PKD1L3: variants seen among roughly 807,000 people sequenced by gnomAD.
The protein encoded by PKD1L3 is polycystin-1-like protein 3.
PKD1L3 carries 239 observed loss-of-function variants against 184.1 expected under a neutral mutation model. The observed-to-expected ratio is 1.30, with a 90% CI of 1.17 to 1.45. PKD1L3 has a LOEUF of 1.45. Among genes scored for constraint, PKD1L3 ranks in the 40% most tolerant of loss-of-function variants. PKD1L3 has a pLI of 0.00. For synonymous variants in PKD1L3, 996 were observed against 778.8 expected, an observed-to-expected ratio of 1.28 and a Z score of -4.64; for missense variants, 2,660 against 2,067.2, an observed-to-expected ratio of 1.29 and a Z score of -5.56.
rs1389552013 is a variant in PKD1L3, at chr16:71,973,443, G to T, written c.1834C>A (p.Leu612Met). ...TGAGCACCCTCCTGCCTCTCACTCA[G>T]CACAGCTGTTATATAGTAGGTGCCA... Reference protein sequence around the residue: ...GIGTYYITAVLSERQEGAQQT... With the variant: ...GIGTYYITAVMSERQEGAQQT... Residue 612 changes from leucine (L) to methionine (M), a missense_variant, in exon 12 of 30, where the codon CTG becomes ATG. Transcript: ENST00000620267. 1.3e-6 allele frequency: 2 copies of T among 1,551,650 alleles called. No individual in the cohort carries two copies. The highest frequency in any genetic ancestry group is 4.9e-5 in the East Asian group (2 of 40,936).
At position 71,978,364 on chromosome 16, in the gene PKD1L3, T is replaced by C. The variant is rs368525812; in HGVS notation, c.1418A>G (p.Asn473Ser). Residue 473 changes from asparagine to serine, a missense_variant, in exon 10 of 30, where the codon AAT becomes AGT. By Grantham distance (46) the Asn-to-Ser change is conservative. Transcript: ENST00000620267. ...VNVQITGLAF[N>S]PFKDLDNRNI... ...TCTGTTGTCCAAATCCTTGAAGGGA[T>C]TGAAAGCTAGTCCTGTTATCTAAAG... The C allele has an allele frequency of 7.1e-6, 11 of 1,550,006 alleles. No individual in the cohort carries two copies. The East Asian group carries it at 7.4e-5, about 10-fold the overall frequency.
chr16:71,937,244 G>A (rs2038211720), intron 25 of PKD1L3, 48 bp downstream of exon 25: 1 of 1,526,602 alleles, frequency 6.6e-7, no homozygotes, highest in South Asian at 1.2e-5. Flanking sequence ...TGGTAAAGAT[G>A]AGGTTTTGCC....
At chr16:71,967,850 T>C in intron 14 of PKD1L3, 56 bp downstream of exon 14, 1 of 1,399,306 alleles carries the variant, frequency 7.1e-7, no homozygotes, top group African/African-American at 1.4e-5. Flanking sequence ...CAACTCAGAG[T>C]GTGTCTCATG....
intron 22 of PKD1L3, 37 bp from the exon 23 acceptor site, chr16:71,944,207 T>C (rs1288351122): frequency 6.6e-7 from 1 of 1,512,126 alleles, no homozygotes; most frequent in Admixed American, 2.0e-5. Flanking sequence ...AGAAATGTTA[T>C]ATTTCATTAA....
At chr16:71,966,190 C>T (rs2039495821) in intron 15 of PKD1L3, among the ~76,000 whole-genome samples, 1 of 152,066 alleles carries the variant, frequency 6.6e-6, no homozygotes, top group Admixed American at 6.6e-5. Context: ...AAGACTTCTA[C>T]TTCATTTTTC....
intron 16 of PKD1L3, among the ~76,000 whole-genome samples, chr16:71,957,407 G>A (rs1039508724): frequency 6.6e-6 from 1 of 151,888 alleles, no homozygotes; most frequent in Non-Finnish European, 1.5e-5. Flanking sequence ...CAAATTAAAA[G>A]ATAGAGATTG....
At chr16:71,972,884 G>T (rs2039771913) in intron 12 of PKD1L3, among the ~76,000 whole-genome samples, 3 of 152,116 alleles carry the variant, frequency 2.0e-5, no homozygotes, top group Admixed American at 1.3e-4. Flanking sequence ...TGGACACCAG[G>T]AACAAGGTGA....
Position 71,999,856 on chromosome 16 carries a change from T to C in PKD1L3, c.123A>G (p.Gln41=), listed in dbSNP as rs372167768. ...AATGCTGTGCTTCCTCAAAGCTGCA[T>C]TGAAATCTGTTAAGCTGGTAACAAT... ...QNNCYQLNRF[Q]CSFEEAQHYC... The change falls in exon 1 of 30, where the codon CAA becomes CAG. Residue 41 remains glutamine, a synonymous_variant. Transcript: ENST00000620267. 63 of 1,551,672 alleles carry C rather than the reference T, an allele frequency of 4.1e-5. No homozygotes were observed. Among genetic ancestry groups the C allele is most frequent in the South Asian group, 7.1e-5 (6 of 84,068 alleles).
In PKD1L3 at chr16:71,999,745, C is replaced by A. The variant is rs922037191; in HGVS notation, c.234G>T (p.Lys78Asn). ...DLIRDYLEEG[K>N]KWWIGQNVMP... ...TTACATTTTGCCCAATCCACCACTT[C>A]TTTCCTTCTTCCAGATAGTCCCGGA... is the stretch of plus-strand genomic sequence containing the variant. The change falls in exon 1 of 30, where the codon AAG becomes AAT. Residue 78 changes from lysine to asparagine, a missense_variant. Lys to Asn is a moderately conservative substitution (Grantham distance 94, BLOSUM62 0). Transcript: ENST00000620267. The A allele has an allele frequency of 6.4e-7, 1 of 1,551,526 alleles. No individual in the cohort carries two copies. The highest frequency in any genetic ancestry group is 1.4e-5 in the African/African-American group (1 of 73,042).
intron 24 of PKD1L3, among the ~76,000 whole-genome samples, chr16:71,941,342 A>T (rs559929606): frequency 1.3e-5 from 2 of 152,098 alleles, no homozygotes; most frequent in Non-Finnish European, 2.9e-5. Context: ...ATTAAATATT[A>T]TAGAAAGAAA....
rs367738102 is a variant in PKD1L3, at chr16:71,956,884, A to G, written c.2613-2583T>C. The stretch of plus-strand genomic sequence containing the variant: ...CACATAAATAAATATATAGATTGCA[A>G]CTCTTCTGCCTTAAAAAATAACTAC... On this transcript the variant is annotated intron_variant, in intron 16 of 29. Transcript: ENST00000620267. 1.8e-4 allele frequency among the ~76,000 whole-genome samples: 28 copies of G among 152,304 alleles called. 1 individual carries two copies. Among genetic ancestry groups the G allele is most frequent in the Admixed American group, 9.8e-4 (15 of 15,298 alleles).
In PKD1L3 at chr16:71,955,962, T is replaced by C. The variant is rs181752613; in HGVS notation, c.2613-1661A>G. On this transcript the variant is annotated intron_variant, in intron 16 of 29. Coordinates refer to ENST00000620267, the MANE Select transcript of PKD1L3 (RefSeq NM_181536.2). Reference sequence around the variant, plus strand: ...AATTAAACGTCTTTCCTTTACAAATTACCCAGTCTTAGGTACGTCTCCATA... The same window carrying C: ...AATTAAACGTCTTTCCTTTACAAATCACCCAGTCTTAGGTACGTCTCCATA... Among the ~76,000 whole-genome samples the C allele has an allele frequency of 1.1e-3, 168 of 152,200 alleles. 1 individual carries two copies. Among genetic ancestry groups the C allele is most frequent in the Non-Finnish European group, 4.9e-4 (33 of 67,998 alleles).
intron 16 of PKD1L3, among the ~76,000 whole-genome samples, chr16:71,956,095 T>C (rs1262864076): frequency 2.0e-5 from 3 of 151,764 alleles, no homozygotes; most frequent in Admixed American, 1.3e-4. Flanking sequence ...TGAGCTCAAG[T>C]GATCCACTTG....
intron 21 of PKD1L3, among the ~76,000 whole-genome samples, chr16:71,947,852 C>T (rs1057219391): frequency 1.3e-5 from 2 of 151,674 alleles, no homozygotes; most frequent in African/African-American, 4.8e-5. Flanking sequence ...CACTGTCAAA[C>T]GATTTGTGTT....
chr16:71,945,625 C>G (rs1253038578), intron 22 of PKD1L3, among the ~76,000 whole-genome samples: 1 of 151,518 alleles, frequency 6.6e-6, no homozygotes, highest in Non-Finnish European at 1.5e-5. Flanking sequence ...TTGCAGTGAG[C>G]CGAGATTGTG....
intron 16 of PKD1L3, among the ~76,000 whole-genome samples, chr16:71,962,078 C>G (rs566916004): frequency 2.0e-5 from 3 of 147,780 alleles, no homozygotes; most frequent in African/African-American, 7.5e-5. Flanking sequence ...TCTCATGCTA[C>G]CAAGTCTGGC....
At chr16:71,985,836 G>T (rs1205710553) in intron 5 of PKD1L3, among the ~76,000 whole-genome samples, 3 of 152,180 alleles carry the variant, frequency 2.0e-5, no homozygotes, top group Non-Finnish European at 4.4e-5. Context: ...CAAATGCTGG[G>T]ATTATAGGCG....
At chr16:71,952,090 G>A (rs558062656) in intron 18 of PKD1L3, among the ~76,000 whole-genome samples, 3 of 152,046 alleles carry the variant, frequency 2.0e-5, no homozygotes, top group Admixed American at 2.0e-4. Flanking sequence ...ACGGCTCAGG[G>A]CACAGGAATT....
At chr16:71,985,910 G>A (rs552466483) in intron 5 of PKD1L3, among the ~76,000 whole-genome samples, 10 of 152,168 alleles carry the variant, frequency 6.6e-5, no homozygotes, top group Non-Finnish European at 1.2e-4. Flanking sequence ...GCGGAGAGAG[G>A]GGACAGTGAG....
Sources: gnomAD v4.1 joint callset for allele counts (sites outside exome capture counted in the v4.1 genomes callset) on GRCh38, gnomAD v4.1.1 for gene constraint, MANE v1.5 for transcripts, NCBI Gene and HGNC (gene_info 2026-07-23, HGNC 2026-07-21) for gene names.